Variants in DNMT3A observed in about 807,000 individuals in gnomAD.
The protein encoded by DNMT3A is DNA (cytosine-5)-methyltransferase 3A.
In DNMT3A, 267 loss-of-function variants were observed where a neutral mutation model predicts 117.6. That is an observed-to-expected ratio of 2.27 (90% CI 2.05 to 2.51). The LOEUF (loss-of-function observed/expected upper bound fraction) is 2.51, where lower values mean the gene tolerates loss of function less well. Among genes scored for constraint, DNMT3A ranks in the 30% most tolerant of loss-of-function variants. The probability of loss-of-function intolerance (pLI) is 0.00; values close to 1 mark genes in which losing one functional copy is unlikely to be tolerated. For synonymous variants in DNMT3A, 432 were observed against 474.8 expected (o/e 0.91, Z 1.17); for missense variants, 1,029 against 1,260.2 (o/e 0.82, Z 2.78).
intron 1 of DNMT3A, among the ~76,000 whole-genome samples, chr2:25,328,131 T>C (rs1413968326): frequency 6.6e-6 from 1 of 152,222 alleles, no homozygotes; most frequent in East Asian, 1.9e-4. Flanking sequence ...AAAAAGTTGA[T>C]TGTGAATGTA....
At position 25,237,744 on chromosome 2, in the gene DNMT3A, G is replaced by A. The variant is rs1312020913; in HGVS notation, c.2409-739C>T. On this transcript the variant is annotated intron_variant, in intron 20 of 22. Coordinates refer to ENST00000321117, the MANE Select transcript of DNMT3A (RefSeq NM_022552.5). This position sits in a 1 kb window ranked among gnomAD's most constrained non-coding sequence, Gnocchi z 5.4. Reference sequence around the variant, plus strand: ...GGCACCACTGCACTCCAGCCTGGGCGACAGAGCAAGACTCTGTCTCCAAAA... The same window carrying A: ...GGCACCACTGCACTCCAGCCTGGGCAACAGAGCAAGACTCTGTCTCCAAAA... 4.0e-5 allele frequency among the ~76,000 whole-genome samples: 6 copies of A among 150,604 alleles called. No individual in the cohort carries two copies. The highest frequency in any genetic ancestry group is 5.9e-5 in the Non-Finnish European group (4 of 67,780).
At chr2:25,284,678 CT>C (rs2032161711) in intron 3 of DNMT3A, among the ~76,000 whole-genome samples, 2 of 61,460 alleles carry the variant, frequency 3.3e-5, no homozygotes, top group Non-Finnish European at 6.9e-5. Flanking sequence ...AAAAAAAAGA[CT>C]ATACAAAAAA....
chr2:25,332,801 G>A (rs1444642055), intron 1 of DNMT3A, among the ~76,000 whole-genome samples: 1 of 152,256 alleles, frequency 6.6e-6, no homozygotes, highest in Admixed American at 6.5e-5. Context: ...ACCAGCCTGT[G>A]CGTGGATGGC....
At position 25,252,629 on chromosome 2, in the gene DNMT3A, C is replaced by A. The variant is rs1327644381; in HGVS notation, c.640-4377G>T. On this transcript the variant is annotated intron_variant, in intron 6 of 22. Transcript: ENST00000321117. The surrounding 1 kb of genome is among the most constrained non-coding windows in gnomAD (Gnocchi z 5.5). ...AGAGATTAGCGCGGGGCCGGGGGGC[C>A]GGGAGGGGAGGGAAGGGGCTGCTCC... is the stretch of plus-strand genomic sequence containing the variant. 6.8e-6 allele frequency among the ~76,000 whole-genome samples: 1 copy of A among 146,656 alleles called. No homozygotes were observed. The highest frequency in any genetic ancestry group is 1.5e-5 in the Non-Finnish European group (1 of 66,222).
chr2:25,260,563 C>T (rs1450885252), intron 6 of DNMT3A, among the ~76,000 whole-genome samples: 2 of 152,074 alleles, frequency 1.3e-5, no homozygotes, highest in Non-Finnish European at 2.9e-5. Flanking sequence ...TTGTTCAATC[C>T]ATCTGAGTTG....
Position 25,294,903 on chromosome 2 carries a change from T to C in DNMT3A, c.177+5236A>G, listed in dbSNP as rs767537105. On this transcript the variant is annotated intron_variant, in intron 3 of 22. Transcript: ENST00000321117. This position sits in a 1 kb window ranked among gnomAD's most constrained non-coding sequence, Gnocchi z 4.7. ...CCCCTCCTCCTCCTCCCTCCCATTC[T>C]GGGTTATTCTTAGCAGGAGGTGACC... Among the ~76,000 whole-genome samples, 163 of 152,200 alleles carry C rather than the reference T, an allele frequency of 1.1e-3. No homozygotes were observed. The highest frequency in any genetic ancestry group is 4.3e-3 in the Admixed American group (66 of 15,304).
rs755013083 is a variant in DNMT3A, at chr2:25,239,149, T to G, written c.2389A>C (p.Asn797His). 1 of 1,614,058 alleles carries G rather than the reference T, an allele frequency of 6.2e-7. No individual in the cohort carries two copies. The highest frequency in any genetic ancestry group is 8.5e-7 in the Non-Finnish European group (1 of 1,179,948). ...ACCAACCTGTTCATACCGGGAAGGT[T>G]ACCCCAGAAGTAGCGGGCCCTGTGT... ...AAHRARYFWG[N>H]LPGMNRPLAS... Residue 797 changes from asparagine to histidine, a missense_variant, in exon 20 of 23, where the codon AAC (asparagine) becomes CAC (histidine). Transcript: ENST00000321117.
At chr2:25,332,334 G>A (rs535750711) in intron 1 of DNMT3A, among the ~76,000 whole-genome samples, 79 of 152,326 alleles carry the variant, frequency 5.2e-4, no homozygotes, top group African/African-American at 1.9e-3. Context: ...CTCAGCTCAA[G>A]CGTCACCTCC....
chr2:25,322,138 GC>G (rs1380607077), intron 1 of DNMT3A, among the ~76,000 whole-genome samples: 1 of 152,206 alleles, frequency 6.6e-6, no homozygotes, highest in Non-Finnish European at 1.5e-5. Context: ...GTAGGAGTAG[GC>G]AAGGAATCAC....
At chr2:25,275,599 T>C (rs2031341683) in intron 4 of DNMT3A, 56 bp from the exon 5 acceptor site, 10 of 1,538,704 alleles carry the variant, frequency 6.5e-6, no homozygotes, top group Non-Finnish European at 7.8e-6. Context: ...ATTACTGGAG[T>C]GGCTCACAGG....
chr2:25,278,125 C>T (rs1055083183), intron 4 of DNMT3A, among the ~76,000 whole-genome samples: 1 of 152,026 alleles, frequency 6.6e-6, no homozygotes, highest in Non-Finnish European at 1.5e-5. Context: ...TCTCTCAGTA[C>T]GGCCTATGCA....
At chr2:25,300,375 G>A in intron 2 of DNMT3A, 132 bp from the exon 3 acceptor site, 1 of 1,041,980 alleles carries the variant, frequency 9.6e-7, no homozygotes, top group African/African-American at 1.6e-5. Flanking sequence ...ACACTTCCAG[G>A]GCTGTGTAAT....
intron 6 of DNMT3A, among the ~76,000 whole-genome samples, chr2:25,253,552 ACCCT>A (rs990275334): frequency 6.6e-6 from 1 of 151,964 alleles, no homozygotes; most frequent in Non-Finnish European, 1.5e-5. Context: ...GCCCACCTCC[ACCCT>A]CCCAGTACAC....
intron 1 of DNMT3A, among the ~76,000 whole-genome samples, chr2:25,332,695 G>A (rs574642521): frequency 2.0e-5 from 3 of 152,336 alleles, no homozygotes; most frequent in South Asian, 2.1e-4. Context: ...AGAAGAAAAC[G>A]CAGAGGTGAC....
At chr2:25,328,422 T>C (rs1161883333) in intron 1 of DNMT3A, among the ~76,000 whole-genome samples, 1 of 151,658 alleles carries the variant, frequency 6.6e-6, no homozygotes, top group Non-Finnish European at 1.5e-5. Context: ...TCAGCTCCTC[T>C]CTCCCAGTCC....
chr2:25,247,554 C>T lies in DNMT3A; in HGVS notation c.1014+37G>A, dbSNP rs1674959875. 1 of 1,603,660 alleles carries T rather than the reference C, an allele frequency of 6.2e-7. No homozygotes were observed. On this transcript the variant is annotated intron_variant, in intron 8 of 22. Coordinates refer to ENST00000321117, the MANE Select transcript of DNMT3A (RefSeq NM_022552.5). This position sits in a 1 kb window ranked among gnomAD's most constrained non-coding sequence, Gnocchi z 5.6. ...CACAGGCCCTGGGATCAAGAACCTT[C>T]CCCCACCCCAGGCTACTGCCAAACC...
chr2:25,320,995 G>A (rs550421162), intron 1 of DNMT3A, among the ~76,000 whole-genome samples: 6 of 152,276 alleles, frequency 3.9e-5, no homozygotes, highest in Non-Finnish European at 7.3e-5. Context: ...AGCCAGGCAT[G>A]ATGGTGCATT....
At chr2:25,300,715 ATATAT>A (rs869052707) in intron 2 of DNMT3A, among the ~76,000 whole-genome samples, 315 of 4,534 alleles carry the variant, frequency 0.069, 15 homozygotes, top group Non-Finnish European at 0.12. Context: ...ATAATATAAT[ATATAT>A]ATATATATAT....
intron 6 of DNMT3A, among the ~76,000 whole-genome samples, chr2:25,260,472 G>GA (rs1553418118): frequency 4.0e-5 from 6 of 149,950 alleles, no homozygotes; most frequent in Admixed American, 2.7e-4. Flanking sequence ...CTCAATTTTT[G>GA]TTTTTTTTTG....
Sources: gnomAD v4.1 joint callset for allele counts (sites outside exome capture counted in the v4.1 genomes callset) on GRCh38, gnomAD v4.1.1 for gene constraint, Gnocchi (gnomAD v3.1) non-coding constraint, MANE v1.5 for transcripts, NCBI Gene and HGNC (gene_info 2026-07-23, HGNC 2026-07-21) for gene names.